Variants in LARGE1 observed in about 807,000 individuals in gnomAD.
The protein encoded by LARGE1 is LARGE xylosyl- and glucuronyltransferase 1, also known as xylosyl- and glucuronyltransferase LARGE1.
LARGE1 carries 43 observed loss-of-function variants against 87.6 expected under a neutral mutation model. The ratio of observed to expected loss-of-function variants is 0.49; its 90% CI spans 0.38 to 0.63. The LOEUF (loss-of-function observed/expected upper bound fraction) is 0.63. LARGE1 is among the 30% of genes least tolerant of loss of function. The pLI is 0.00. For missense variants in LARGE1, 802 were observed against 1,000.2 expected (o/e 0.80, Z 2.67); for synonymous variants, 434 against 394.6 (o/e 1.10, Z -1.18).
At chr22:33,673,669 G>A (rs948265599) in intron 2 of LARGE1, among the ~76,000 whole-genome samples, 1 of 151,970 alleles carries the variant, frequency 6.6e-6, no homozygotes, top group Admixed American at 6.6e-5. Flanking sequence ...ACAAACTCCA[G>A]ACCCATGAAA....
At chr22:33,377,141 A>C (rs1420891471) in intron 9 of LARGE1, among the ~76,000 whole-genome samples, 1 of 152,248 alleles carries the variant, frequency 6.6e-6, no homozygotes, top group African/African-American at 2.4e-5. Flanking sequence ...ATTTGTGTTA[A>C]CAAAACCCTG....
At chr22:33,605,120 G>A (rs894802733) in intron 4 of LARGE1, among the ~76,000 whole-genome samples, 3 of 151,726 alleles carry the variant, frequency 2.0e-5, no homozygotes, top group Non-Finnish European at 1.5e-5. Context: ...TATAGCTTTT[G>A]TTCATCTGAA....
intron 9 of LARGE1, among the ~76,000 whole-genome samples, chr22:33,353,520 GA>G (rs1298625892): frequency 6.6e-6 from 1 of 152,042 alleles, no homozygotes; most frequent in Admixed American, 6.6e-5. Flanking sequence ...AAACCACGCT[GA>G]AGGATGGAAG....
chr22:33,732,035 C>T (rs1399930705), intron 2 of LARGE1, among the ~76,000 whole-genome samples: 1 of 152,176 alleles, frequency 6.6e-6, no homozygotes, highest in Non-Finnish European at 1.5e-5. Flanking sequence ...TCTGAAATCA[C>T]CTTATCTATT....
intron 7 of LARGE1, among the ~76,000 whole-genome samples, chr22:33,403,544 C>T (rs928428812): frequency 6.6e-6 from 1 of 152,100 alleles, no homozygotes; most frequent in Non-Finnish European, 1.5e-5. Flanking sequence ...AGGTCTGAGG[C>T]CTAGGTTAAT....
chr22:33,334,368 G>A (rs1402410614), intron 10 of LARGE1, among the ~76,000 whole-genome samples: 7 of 141,690 alleles, frequency 4.9e-5, no homozygotes, highest in Admixed American at 3.6e-4. Context: ...CTGAGATCGC[G>A]CCACTGCACT....
intron 14 of LARGE1, among the ~76,000 whole-genome samples, chr22:33,274,984 A>G (rs1225143288): frequency 6.6e-6 from 1 of 152,234 alleles, no homozygotes; most frequent in Non-Finnish European, 1.5e-5. Flanking sequence ...CCACATGGAC[A>G]GTCTAGGATG....
Position 33,442,878 on chromosome 22 carries a change from C to T in LARGE1, c.788-10613G>A, listed in dbSNP as rs575394653. Among the ~76,000 whole-genome samples the T allele has an allele frequency of 2.1e-4, 32 of 151,862 alleles. No individual in the cohort carries two copies. The South Asian group carries it at 2.3e-3, about 11-fold the overall frequency. ...CACTATCTCCGCTCACTGCAAGCTC[C>T]GCCTCCCGGGTTCACGCCATTCTCC... On this transcript the variant is annotated intron_variant, in intron 6 of 14. Transcript: ENST00000397394.
intron 6 of LARGE1, among the ~76,000 whole-genome samples, chr22:33,520,956 A>C (rs1231208657): frequency 2.0e-5 from 3 of 152,216 alleles, no homozygotes; most frequent in African/African-American, 7.2e-5. Flanking sequence ...TGTGTTGTTT[A>C]CATGTGTCTG....
intron 11 of LARGE1, among the ~76,000 whole-genome samples, chr22:33,222,886 C>T (rs1270678252): frequency 6.6e-6 from 1 of 152,166 alleles, no homozygotes; most frequent in Non-Finnish European, 1.5e-5. Flanking sequence ...TGTTCCTGGA[C>T]TTTTTCCCCA....
intron 7 of LARGE1, among the ~76,000 whole-genome samples, chr22:33,428,917 G>T (rs1485844892): frequency 7.5e-6 from 1 of 133,654 alleles, no homozygotes; most frequent in East Asian, 2.2e-4. Flanking sequence ...GCGAAAGAGC[G>T]AGACTCTGTC....
At chr22:33,282,417 C>T (rs1482932480) in intron 13 of LARGE1, among the ~76,000 whole-genome samples, 1 of 152,166 alleles carries the variant, frequency 6.6e-6, no homozygotes, top group Non-Finnish European at 1.5e-5. Context: ...CGTACCAGCC[C>T]TCTCTTTAGA....
intron 6 of LARGE1, among the ~76,000 whole-genome samples, chr22:33,549,585 G>C (rs1023342741): frequency 6.6e-6 from 1 of 152,200 alleles, no homozygotes; most frequent in African/African-American, 2.4e-5. Flanking sequence ...TTCACTACTA[G>C]ATGTTCAACT....
intron 10 of LARGE1, among the ~76,000 whole-genome samples, chr22:33,336,490 G>A (rs1393084216): frequency 1.3e-5 from 2 of 151,936 alleles, no homozygotes; most frequent in African/African-American, 2.4e-5. Context: ...GTGAGCCACC[G>A]CGCCTGGCCC....
chr22:33,181,916 C>T (rs1056230964), intron 11 of LARGE1, among the ~76,000 whole-genome samples: 36 of 146,036 alleles, frequency 2.5e-4, no homozygotes, highest in Non-Finnish European at 4.5e-4. Context: ...CTCAGCCTCC[C>T]GGTTCAAGAG....
chr22:33,347,729 G>C (rs981452487), intron 9 of LARGE1, among the ~76,000 whole-genome samples: 10 of 152,170 alleles, frequency 6.6e-5, no homozygotes, highest in South Asian at 4.1e-4. Flanking sequence ...TAGTTGCTAT[G>C]TAACCTGCAC....
chr22:33,801,453 T>G (rs923668023), intron 1 of LARGE1, among the ~76,000 whole-genome samples: 1 of 152,194 alleles, frequency 6.6e-6, no homozygotes, highest in East Asian at 1.9e-4. Context: ...TATATTTCCC[T>G]GATGTTGTTG....
chr22:33,916,534 T>C (rs768110728), intron 1 of LARGE1, among the ~76,000 whole-genome samples: 12 of 152,172 alleles, frequency 7.9e-5, no homozygotes, highest in Non-Finnish European at 8.8e-5. Flanking sequence ...TGAACACCTC[T>C]CAATGGCAAA....
At chr22:33,118,720 C>G in the LARGE1 span, among the ~76,000 whole-genome samples, 19 of 152,276 alleles carry the variant, frequency 1.2e-4, 1 homozygote, top group East Asian at 3.7e-3. Flanking sequence ...TGGTACCCAA[C>G]CAGTTATTTC....
Sources: gnomAD v4.1 joint callset for allele counts (sites outside exome capture counted in the v4.1 genomes callset) on GRCh38, gnomAD v4.1.1 for gene constraint, MANE v1.5 for transcripts, NCBI Gene and HGNC (gene_info 2026-07-23, HGNC 2026-07-21) for gene names.